The following DNAH14 variants were observed in gnomAD, a reference collection of about 807,000 sequenced individuals.
DNAH14 encodes dynein axonemal heavy chain 14.
In DNAH14, 478 loss-of-function variants were observed where a neutral mutation model predicts 520.9. The observed-to-expected ratio is 0.92, with a 90% CI of 0.85 to 0.99. DNAH14 has a LOEUF of 0.99. DNAH14 is among the 50% of genes least tolerant of loss of function. The pLI is 0.00. For missense variants in DNAH14, 4,831 were observed against 5,234.5 expected (o/e 0.92, Z 2.38); for synonymous variants, 1,581 against 1,757.2 (o/e 0.90, Z 2.51).
At chr1:225,323,528 A>T (rs1249989113) in intron 62 of DNAH14, among the ~76,000 whole-genome samples, 1 of 151,844 alleles carries the variant, frequency 6.6e-6, no homozygotes, top group Admixed American at 6.6e-5. Flanking sequence ...CAGGCTGGAG[A>T]TCTCAGCTCA....
At chr1:225,071,269 A>G (rs1234057682) in intron 17 of DNAH14, among the ~76,000 whole-genome samples, 1 of 152,134 alleles carries the variant, frequency 6.6e-6, no homozygotes, top group African/African-American at 2.4e-5. Context: ...TGGTTGCCAT[A>G]TAGTGTCACT....
chr1:224,932,657 G>T (rs962979857), intron 1 of DNAH14, among the ~76,000 whole-genome samples: 1 of 152,072 alleles, frequency 6.6e-6, no homozygotes, highest in African/African-American at 2.4e-5. Flanking sequence ...TGGCTGTCCA[G>T]TTTTCCAGGC....
chr1:225,094,325 A>C (rs2074683522), intron 21 of DNAH14, among the ~76,000 whole-genome samples: 1 of 152,162 alleles, frequency 6.6e-6, no homozygotes, highest in Non-Finnish European at 1.5e-5. Context: ...ATAAAGCCGC[A>C]TACCTACGAC....
chr1:225,338,233 A>C (rs576505285), intron 68 of DNAH14, 51 bp downstream of exon 68: 2 of 1,538,702 alleles, frequency 1.3e-6, no homozygotes, highest in South Asian at 2.4e-5. Context: ...TTTAAGATAA[A>C]TAATATTGAA....
At chr1:225,361,490 C>A (rs971842479) in intron 75 of DNAH14, among the ~76,000 whole-genome samples, 1 of 152,230 alleles carries the variant, frequency 6.6e-6, no homozygotes, top group African/African-American at 2.4e-5. Flanking sequence ...CAACCAATTA[C>A]ATTCTATAGT....
chr1:225,265,684 C>A (rs997545001), intron 48 of DNAH14, among the ~76,000 whole-genome samples: 3 of 152,098 alleles, frequency 2.0e-5, no homozygotes, highest in Non-Finnish European at 2.9e-5. Flanking sequence ...CTTCCTGTGA[C>A]CATGGCTTGG....
chr1:225,231,127 T>C lies in DNAH14; in HGVS notation c.6494T>C (p.Val2165Ala). The change falls in exon 42 of 86, where the codon GTC (valine) becomes GCC (alanine). Residue 2165 changes from valine (V) to alanine (A), a missense_variant. Transcript: ENST00000682510. ...GAGGCAAATTCCCAAAGAGAGTCTGTCACATTCAAGGATATAGAAAAGAGG... is the reference window on the plus strand; with the variant it reads ...GAGGCAAATTCCCAAAGAGAGTCTGCCACATTCAAGGATATAGAAAAGAGG... ...SKEANSQRES[V>A]TFKDIEKRDE... is the part of the protein sequence containing the mutation. The C allele has an allele frequency of 6.5e-7, 1 of 1,547,524 alleles. No individual in the cohort carries two copies. Among genetic ancestry groups the C allele is most frequent in the Non-Finnish European group, 8.7e-7 (1 of 1,145,082 alleles).
rs576767186 is a variant in DNAH14, at chr1:225,385,800, C to T, written c.13078-2579C>T. Among the ~76,000 whole-genome samples, 17 of 152,294 alleles carry T rather than the reference C, an allele frequency of 1.1e-4. No individual in the cohort carries two copies. The East Asian group carries it at 3.1e-3, about 28-fold the overall frequency. On this transcript the variant is annotated intron_variant, in intron 81 of 85. Transcript: ENST00000682510. ...AATCAATATTGTGAAAATGGCCATA[C>T]TACCCAAGGTAATTTATAGATTCAA... is the stretch of plus-strand genomic sequence containing the variant.
intron 83 of DNAH14, among the ~76,000 whole-genome samples, chr1:225,392,020 C>T (rs2095921310): frequency 6.6e-6 from 1 of 152,092 alleles, no homozygotes; most frequent in Non-Finnish European, 1.5e-5. Flanking sequence ...GAATTGACAG[C>T]CCCTCTATCC....
intron 10 of DNAH14, among the ~76,000 whole-genome samples, chr1:225,016,955 G>T: frequency 6.6e-6 from 1 of 150,846 alleles, no homozygotes. Flanking sequence ...TGTTTTCCTG[G>T]TCTCATTGAA....
intron 39 of DNAH14, among the ~76,000 whole-genome samples, chr1:225,204,636 C>CGAAA (rs1173677227): frequency 2.6e-5 from 4 of 152,142 alleles, no homozygotes; most frequent in African/African-American, 7.2e-5. Context: ...TGTACATTTC[C>CGAAA]AGGCCAAAGC....
In DNAH14 at chr1:225,126,852, T is replaced by C. The variant is rs1399266583; in HGVS notation, c.4254+3238T>C. 4.6e-5 allele frequency among the ~76,000 whole-genome samples: 7 copies of C among 152,164 alleles called. No homozygotes were observed. The East Asian group carries it at 1.4e-3, about 29-fold the overall frequency. ...TTTCTCTTGTGGGCATTTAATGCTA[T>C]AAATTTCCCTCTACACACTGCTTTG... On this transcript the variant is annotated intron_variant, in intron 27 of 85. Coordinates refer to ENST00000682510, the MANE Select transcript of DNAH14 (RefSeq NM_001367479.1).
intron 1 of DNAH14, among the ~76,000 whole-genome samples, chr1:224,943,941 C>T (rs1018315387): frequency 2.6e-5 from 4 of 151,866 alleles, no homozygotes; most frequent in South Asian, 2.1e-4. Flanking sequence ...TGAATAAGTG[C>T]GGTGTGGTGC....
chr1:225,189,741 C>T (rs1320157414), intron 37 of DNAH14, among the ~76,000 whole-genome samples: 1 of 151,900 alleles, frequency 6.6e-6, no homozygotes, highest in Non-Finnish European at 1.5e-5. Flanking sequence ...TTTGTTTCTT[C>T]ACTATGCCAA....
chr1:225,082,197 T>TGTGTGTGTGTGTGTGTGC (rs374597749), intron 19 of DNAH14, among the ~76,000 whole-genome samples: 28 of 151,690 alleles, frequency 1.8e-4, no homozygotes, highest in East Asian at 5.8e-4. Flanking sequence ...TGTGTGTGTG[T>TGTGTGTGTGTGTGTGTGC]GCACATGCGC....
chr1:225,253,259 A>T (rs945786387), intron 44 of DNAH14, among the ~76,000 whole-genome samples: 2 of 150,370 alleles, frequency 1.3e-5, no homozygotes, highest in African/African-American at 4.8e-5. Flanking sequence ...ATTGACTGAC[A>T]GCCTTAGCTT....
At chr1:225,137,912 G>A (rs932246945) in intron 27 of DNAH14, among the ~76,000 whole-genome samples, 4 of 152,002 alleles carry the variant, frequency 2.6e-5, no homozygotes, top group African/African-American at 7.2e-5. Context: ...CCCCTCACCC[G>A]GGGATCTCCC....
At chr1:225,281,735 G>C (rs1339364348) in intron 54 of DNAH14, among the ~76,000 whole-genome samples, 1 of 152,070 alleles carries the variant, frequency 6.6e-6, no homozygotes, top group Non-Finnish European at 1.5e-5. Context: ...AGGAAATGGA[G>C]TTATGTTGAA....
chr1:225,202,576 A>T (rs2086987995), intron 38 of DNAH14, among the ~76,000 whole-genome samples: 1 of 152,128 alleles, frequency 6.6e-6, no homozygotes, highest in Non-Finnish European at 1.5e-5. Context: ...TTCCAGGCAG[A>T]GGGTGAGCAG....
Sources: gnomAD v4.1 joint callset for allele counts (sites outside exome capture counted in the v4.1 genomes callset) on GRCh38, gnomAD v4.1.1 for gene constraint, MANE v1.5 for transcripts, NCBI Gene and HGNC (gene_info 2026-07-23, HGNC 2026-07-21) for gene names.